TRAF3: variants seen among roughly 807,000 people sequenced by gnomAD.
TRAF3 encodes TNF receptor associated factor 3.
In TRAF3, 13 loss-of-function variants were observed where a neutral mutation model predicts 62.3. The ratio of observed to expected loss-of-function variants is 0.21; its 90% CI spans 0.14 to 0.33. The LOEUF (loss-of-function observed/expected upper bound fraction) is 0.33, where lower values mean the gene tolerates loss of function less well. TRAF3 is among the 10% of genes least tolerant of loss of function. The probability of loss-of-function intolerance (pLI) is 1.00; values close to 1 mark genes in which losing one functional copy is unlikely to be tolerated. For missense variants in TRAF3, 440 were observed against 741.8 expected, an observed-to-expected ratio of 0.59 and a Z score of 4.73; for synonymous variants, 269 against 283.4, an observed-to-expected ratio of 0.95 and a Z score of 0.51.
intron 1 of TRAF3, among the ~76,000 whole-genome samples, chr14:102,827,544 G>A (rs951542810): frequency 1.3e-5 from 2 of 152,270 alleles, no homozygotes; most frequent in Non-Finnish European, 1.5e-5. Context: ...ACTGTGACCC[G>A]TCACGTGAGG....
intron 2 of TRAF3, among the ~76,000 whole-genome samples, chr14:102,844,442 G>A (rs1319772813): frequency 6.6e-6 from 1 of 152,302 alleles, no homozygotes; most frequent in East Asian, 1.9e-4. Context: ...AGTGGGAAGA[G>A]GAGACCCATT....
chr14:102,895,517 A>G (rs1344063552), intron 9 of TRAF3, among the ~76,000 whole-genome samples: 4 of 152,068 alleles, frequency 2.6e-5, no homozygotes, highest in African/African-American at 9.7e-5. Context: ...CACCTTTGTG[A>G]CCATTGGTCC....
intron 1 of TRAF3, among the ~76,000 whole-genome samples, chr14:102,799,304 A>G (rs532357098): frequency 2.0e-5 from 3 of 152,318 alleles, no homozygotes; most frequent in East Asian, 1.9e-4. Flanking sequence ...ACTACCACTC[A>G]TGTTCTTTTC....
chr14:102,837,909 G>A (rs753339905), intron 2 of TRAF3, among the ~76,000 whole-genome samples: 3 of 152,184 alleles, frequency 2.0e-5, no homozygotes, highest in Non-Finnish European at 2.9e-5. Context: ...CCAGACCCTG[G>A]CCAGCAGAGT....
intron 10 of TRAF3, among the ~76,000 whole-genome samples, chr14:102,900,180 G>T: frequency 1.1e-5 from 1 of 91,468 alleles, no homozygotes; most frequent in East Asian, 3.8e-4. Context: ...CTCCGTCTCG[G>T]AAAAAAAAAA....
intron 10 of TRAF3, among the ~76,000 whole-genome samples, chr14:102,902,653 C>T (rs1890362764): frequency 6.6e-6 from 1 of 152,192 alleles, no homozygotes; most frequent in Admixed American, 6.5e-5. Context: ...TATACGAGGG[C>T]TGCAGAGGAG....
At chr14:102,792,138 T>TA (rs1897831641) in intron 1 of TRAF3, among the ~76,000 whole-genome samples, 1 of 145,302 alleles carries the variant, frequency 6.9e-6, no homozygotes, top group African/African-American at 2.6e-5. Context: ...TTTTTTTTTT[T>TA]TTATCAGACC....
At chr14:102,787,101 GATAA>G (rs2140071979) in intron 1 of TRAF3, among the ~76,000 whole-genome samples, 1 of 152,310 alleles carries the variant, frequency 6.6e-6, no homozygotes, top group Admixed American at 6.5e-5. Context: ...TGAGTGGTTT[GATAA>G]AGGGAATGAC....
intron 2 of TRAF3, among the ~76,000 whole-genome samples, chr14:102,833,343 T>C (rs1885768091): frequency 6.6e-6 from 1 of 152,240 alleles, no homozygotes; most frequent in African/African-American, 2.4e-5. Flanking sequence ...CTTTTTTTTC[T>C]ATTACTAAGT....
chr14:102,849,822 G>C (rs1316040129), intron 2 of TRAF3, among the ~76,000 whole-genome samples: 1 of 152,224 alleles, frequency 6.6e-6, no homozygotes, highest in Non-Finnish European at 1.5e-5. Flanking sequence ...TTTCTTATCA[G>C]CAGGGCACAC....
At chr14:102,904,616 C>T (rs1890482970) in intron 11 of TRAF3, among the ~76,000 whole-genome samples, 1 of 150,304 alleles carries the variant, frequency 6.7e-6, no homozygotes, top group Admixed American at 6.6e-5. Flanking sequence ...TGAGATCATC[C>T]TGGCTAACAC....
intron 1 of TRAF3, among the ~76,000 whole-genome samples, chr14:102,825,742 C>G (rs1900272181): frequency 1.3e-5 from 2 of 152,252 alleles, no homozygotes; most frequent in African/African-American, 4.8e-5. Flanking sequence ...TGATCCCTGA[C>G]TTGAAAGTCA....
intron 2 of TRAF3, among the ~76,000 whole-genome samples, chr14:102,835,334 G>A (rs1885932549): frequency 6.6e-6 from 1 of 152,200 alleles, no homozygotes; most frequent in Non-Finnish European, 1.5e-5. Flanking sequence ...ATTGTGGAAA[G>A]CAATATGGTG....
chr14:102,801,976 A>G (rs1169610499), intron 1 of TRAF3, among the ~76,000 whole-genome samples: 32 of 146,724 alleles, frequency 2.2e-4, no homozygotes, highest in African/African-American at 7.8e-4. Context: ...AGATCATGCC[A>G]CTGCACTCCA....
intron 2 of TRAF3, among the ~76,000 whole-genome samples, chr14:102,859,754 C>T (rs1346011588): frequency 6.6e-6 from 1 of 152,188 alleles, no homozygotes; most frequent in Non-Finnish European, 1.5e-5. Flanking sequence ...ACACACAACA[C>T]ATATAAATAC....
intron 1 of TRAF3, among the ~76,000 whole-genome samples, chr14:102,797,015 T>A (rs552580742): frequency 6.6e-6 from 1 of 152,072 alleles, no homozygotes; most frequent in Non-Finnish European, 1.5e-5. Flanking sequence ...GTGACCAGCA[T>A]AGGGGCCAAA....
intron 1 of TRAF3, among the ~76,000 whole-genome samples, chr14:102,802,073 G>C (rs1475602362): frequency 6.8e-6 from 1 of 146,552 alleles, no homozygotes; most frequent in African/African-American, 2.5e-5. Context: ...TGCCCATTCT[G>C]GTCTTGAACT....
At chr14:102,785,110 G>T (rs1407693462) in intron 1 of TRAF3, among the ~76,000 whole-genome samples, 1 of 152,210 alleles carries the variant, frequency 6.6e-6, no homozygotes, top group Non-Finnish European at 1.5e-5. Flanking sequence ...ATTTTCTTCA[G>T]ATTCTAAACT....
At chr14:102,823,361 T>C (rs940148940) in intron 1 of TRAF3, among the ~76,000 whole-genome samples, 20 of 152,234 alleles carry the variant, frequency 1.3e-4, no homozygotes, top group African/African-American at 4.6e-4. Context: ...AAATGAATAC[T>C]TTCTTGGGGG....
Sources: allele counts gnomAD v4.1 joint callset (sites outside exome capture counted in the v4.1 genomes callset), GRCh38; gene constraint gnomAD v4.1.1; transcripts MANE v1.5; gene names NCBI Gene and HGNC (gene_info 2026-07-23, HGNC 2026-07-21).